Variants in CALD1 observed in about 807,000 individuals in gnomAD.
The protein encoded by CALD1 is caldesmon.
A neutral mutation model predicts 99.9 loss-of-function variants in CALD1; 33 were observed. The observed-to-expected ratio is 0.33, with a 90% CI of 0.25 to 0.44. The LOEUF (loss-of-function observed/expected upper bound fraction) is 0.44, where lower values mean the gene tolerates loss of function less well. Among genes scored for constraint, CALD1 ranks in the 20% least tolerant of loss-of-function variants. The probability of loss-of-function intolerance (pLI) is 1.00; values close to 1 mark genes in which losing one functional copy is unlikely to be tolerated. For missense variants in CALD1, 861 were observed against 962.1 expected (o/e 0.89, Z 1.39); for synonymous variants, 310 against 325.0 (o/e 0.95, Z 0.50).
chr7:134,809,872 A>G (rs180792563), intron 1 of CALD1, among the ~76,000 whole-genome samples: 2 of 152,300 alleles, frequency 1.3e-5, no homozygotes, highest in East Asian at 1.9e-4. Flanking sequence ...TTTCATTGCT[A>G]GAAAAAAAAT....
At chr7:134,855,506 T>C (rs946877001) in intron 2 of CALD1, among the ~76,000 whole-genome samples, 5 of 152,240 alleles carry the variant, frequency 3.3e-5, no homozygotes, top group African/African-American at 1.2e-4. Context: ...CAAAGTTGGA[T>C]GCAGAAAAGA....
chr7:134,726,658 G>C, the CALD1 span, among the ~76,000 whole-genome samples: 15 of 151,738 alleles, frequency 9.9e-5, no homozygotes, highest in Non-Finnish European at 1.5e-4. Flanking sequence ...AAAAAAATTT[G>C]TATCACCAGT....
At chr7:134,931,131 G>A (rs1805492381) in intron 4 of CALD1, among the ~76,000 whole-genome samples, 2 of 151,798 alleles carry the variant, frequency 1.3e-5, no homozygotes, top group African/African-American at 4.8e-5. Flanking sequence ...GTCTGAGAAT[G>A]TGTGATTTAT....
chr7:134,855,859 C>T (rs944851142), intron 2 of CALD1, among the ~76,000 whole-genome samples: 1 of 152,096 alleles, frequency 6.6e-6, no homozygotes, highest in African/African-American at 2.4e-5. Flanking sequence ...GATATTTAGC[C>T]CGGTGGTTGC....
intron 1 of CALD1, among the ~76,000 whole-genome samples, chr7:134,786,626 G>A (rs1010146901): frequency 4.6e-5 from 7 of 152,010 alleles, no homozygotes; most frequent in Non-Finnish European, 7.4e-5. Flanking sequence ...TACCCAGTGC[G>A]TGGCACACGG....
chr7:134,812,574 A>T (rs1026193037), intron 1 of CALD1, among the ~76,000 whole-genome samples: 4 of 142,470 alleles, frequency 2.8e-5, no homozygotes, highest in Non-Finnish European at 4.7e-5. Context: ...CACCACTGGA[A>T]AGAATAGTTA....
chr7:134,876,954 T>C (rs775250087), intron 3 of CALD1, among the ~76,000 whole-genome samples: 209 of 152,282 alleles, frequency 1.4e-3, no homozygotes, highest in Non-Finnish European at 2.4e-3. Context: ...AAGACTTAGA[T>C]TCAAATCCCA....
At chr7:134,861,457 AC>A in intron 2 of CALD1, among the ~76,000 whole-genome samples, 1 of 152,332 alleles carries the variant, frequency 6.6e-6, no homozygotes, top group Non-Finnish European at 1.5e-5. Flanking sequence ...TTTAGGATAT[AC>A]ACGACATGCT....
At position 134,879,633 on chromosome 7, in the gene CALD1, T is replaced by C. The variant is rs80134580; in HGVS notation, c.71+11829T>C. On this transcript the variant is annotated intron_variant, in intron 3 of 14. Coordinates refer to ENST00000361675, the MANE Select transcript of CALD1 (RefSeq NM_033138.4). Reference sequence around the variant, plus strand: ...GACATTGAACAGCTTAATTTGTTAATTATAAATCATTTGTATGTATTCACC... The same window carrying C: ...GACATTGAACAGCTTAATTTGTTAACTATAAATCATTTGTATGTATTCACC... Among the ~76,000 whole-genome samples, 1,117 of 152,366 alleles carry C rather than the reference T, an allele frequency of 7.3e-3. 10 individuals are homozygous for C. Among genetic ancestry groups the C allele is most frequent in the Non-Finnish European group, 0.01 (708 of 68,040 alleles).
intron 2 of CALD1, among the ~76,000 whole-genome samples, chr7:134,844,645 G>A (rs553948943): frequency 3.3e-5 from 5 of 152,322 alleles, no homozygotes; most frequent in Admixed American, 2.6e-4. Context: ...CTACCATAGT[G>A]AAAATCCACA....
At chr7:134,799,326 T>G (rs1214780480) in intron 1 of CALD1, among the ~76,000 whole-genome samples, 2 of 152,168 alleles carry the variant, frequency 1.3e-5, no homozygotes, top group Non-Finnish European at 2.9e-5. Flanking sequence ...CATCTAAGTA[T>G]AAATAAAGTT....
At chr7:134,861,402 C>A (rs1800558298) in intron 2 of CALD1, among the ~76,000 whole-genome samples, 1 of 152,190 alleles carries the variant, frequency 6.6e-6, no homozygotes, top group South Asian at 2.1e-4. Context: ...TGAAGAGAAA[C>A]ATCACTGAGT....
At chr7:134,891,673 A>G (rs1358986341) in intron 3 of CALD1, 3 of 1,590,640 alleles carry the variant, frequency 1.9e-6, no homozygotes, top group Non-Finnish European at 1.7e-6. Flanking sequence ...GCGCTCTCCC[A>G]GTGAGTCCTC....
At chr7:134,834,163 G>C (rs1426107263) in intron 1 of CALD1, among the ~76,000 whole-genome samples, 1 of 152,212 alleles carries the variant, frequency 6.6e-6, no homozygotes, top group Non-Finnish European at 1.5e-5. Flanking sequence ...CACCATACCT[G>C]ATGGAAGATC....
At chr7:134,778,261 C>G (rs1156377825), upstream of CALD1, among the ~76,000 whole-genome samples, 2 of 152,212 alleles carry the variant, frequency 1.3e-5, no homozygotes, top group Non-Finnish European at 2.9e-5. Context: ...AGGAAACCAA[C>G]AGTGCGAACT....
the CALD1 span, among the ~76,000 whole-genome samples, chr7:134,733,026 C>G: frequency 0.28 from 42,156 of 152,148 alleles, 6,235 homozygotes; most frequent in Middle Eastern, 0.35. Context: ...GTTAGAATTA[C>G]CTGTTACACA....
At chr7:134,744,686 G>A (rs1016395507) in intron 1 of CALD1, among the ~76,000 whole-genome samples, 5 of 152,012 alleles carry the variant, frequency 3.3e-5, no homozygotes, top group African/African-American at 4.8e-5. Context: ...TGGCAGAGTC[G>A]GCTTGGTTAC....
At chr7:134,770,554 C>T (rs550979333) in intron 1 of CALD1, among the ~76,000 whole-genome samples, 10 of 152,258 alleles carry the variant, frequency 6.6e-5, no homozygotes, top group Admixed American at 5.2e-4. Flanking sequence ...TATTCACCCC[C>T]TCTTCTCCTC....
chr7:134,878,340 G>A (rs944787326), intron 3 of CALD1, among the ~76,000 whole-genome samples: 5 of 152,026 alleles, frequency 3.3e-5, no homozygotes, highest in South Asian at 2.1e-4. Flanking sequence ...AGGCTGAGGC[G>A]GGCAAATCAC....
Sources: gnomAD v4.1 joint callset for allele counts (sites outside exome capture counted in the v4.1 genomes callset) on GRCh38, gnomAD v4.1.1 for gene constraint, MANE v1.5 for transcripts, NCBI Gene and HGNC (gene_info 2026-07-23, HGNC 2026-07-21) for gene names.